The following ARHGAP15 variants were observed in gnomAD, a reference collection of about 807,000 sequenced individuals.
ARHGAP15 encodes rho GTPase-activating protein 15.
Under a neutral mutation model 63.7 loss-of-function variants are expected in ARHGAP15, and 51 were observed. That is an observed-to-expected ratio of 0.80 (90% CI 0.64 to 1.01). ARHGAP15 has a LOEUF of 1.01. Among genes scored for constraint, ARHGAP15 ranks in the 50% least tolerant of loss-of-function variants. The probability of loss-of-function intolerance (pLI) is 0.00; values close to 1 mark genes in which losing one functional copy is unlikely to be tolerated. For missense variants in ARHGAP15, 560 were observed against 564.6 expected (o/e 0.99, Z 0.08); for synonymous variants, 191 against 193.8 (o/e 0.99, Z 0.12).
At chr2:143,420,559 T>C (rs1055071702) in intron 6 of ARHGAP15, among the ~76,000 whole-genome samples, 2 of 152,174 alleles carry the variant, frequency 1.3e-5, no homozygotes, top group African/African-American at 4.8e-5. Flanking sequence ...TTAATTATCA[T>C]TGTGGTAAGT....
At chr2:143,551,737 G>A (rs1695572469) in intron 10 of ARHGAP15, among the ~76,000 whole-genome samples, 1 of 151,942 alleles carries the variant, frequency 6.6e-6, no homozygotes, top group African/African-American at 2.4e-5. Context: ...TTGAAGGATG[G>A]GTGTCTCATA....
At chr2:143,667,997 ATATATAAAAATATAT>A (rs1682315694) in intron 12 of ARHGAP15, among the ~76,000 whole-genome samples, 1 of 152,000 alleles carries the variant, frequency 6.6e-6, no homozygotes, top group South Asian at 2.1e-4. Flanking sequence ...CAAAAAATAC[ATATATAAAAATATAT>A]TTTTTAAAAA....
intron 7 of ARHGAP15, 78 bp from the exon 8 acceptor site, chr2:143,436,835 C>A: frequency 1.3e-6 from 2 of 1,516,416 alleles, no homozygotes. Flanking sequence ...CCATAAACAG[C>A]AAAATTGAAC....
intron 5 of ARHGAP15, among the ~76,000 whole-genome samples, chr2:143,241,282 C>T (rs1452752222): frequency 6.6e-6 from 1 of 152,070 alleles, no homozygotes; most frequent in Non-Finnish European, 1.5e-5. Context: ...ACTTGCTGCT[C>T]TAGTTTATTT....
At chr2:143,444,450 G>A (rs1459871785) in intron 8 of ARHGAP15, among the ~76,000 whole-genome samples, 1 of 152,186 alleles carries the variant, frequency 6.6e-6, no homozygotes, top group Admixed American at 6.5e-5. Context: ...TGCTAAAGCT[G>A]ACATTTAAGC....
At chr2:143,663,251 G>A (rs1489871757) in intron 12 of ARHGAP15, among the ~76,000 whole-genome samples, 3 of 147,460 alleles carry the variant, frequency 2.0e-5, no homozygotes, top group Admixed American at 6.8e-5. Flanking sequence ...AGAGAGTGGG[G>A]GCCAATATTC....
intron 8 of ARHGAP15, among the ~76,000 whole-genome samples, chr2:143,466,000 G>A (rs1691188021): frequency 1.3e-5 from 2 of 152,116 alleles, no homozygotes; most frequent in South Asian, 4.1e-4. Flanking sequence ...GCCTTGAACA[G>A]TGATGGTTTA....
At chr2:143,396,649 C>T (rs1244416765) in intron 6 of ARHGAP15, among the ~76,000 whole-genome samples, 1 of 150,932 alleles carries the variant, frequency 6.6e-6, no homozygotes, top group Admixed American at 6.6e-5. Context: ...CGGGTATCTC[C>T]AGCTTCCTGA....
chr2:143,732,823 G>A (rs971004065), intron 13 of ARHGAP15, among the ~76,000 whole-genome samples: 1 of 151,046 alleles, frequency 6.6e-6, no homozygotes, highest in African/African-American at 2.4e-5. Context: ...GATGAGGGTT[G>A]ACTAAAAGAC....
chr2:143,474,848 C>T (rs1400040472), intron 8 of ARHGAP15, among the ~76,000 whole-genome samples: 1 of 152,126 alleles, frequency 6.6e-6, no homozygotes, highest in Non-Finnish European at 1.5e-5. Flanking sequence ...AAAAGCTTGG[C>T]AATTTGATTA....
rs1692758938 is a variant in ARHGAP15, at chr2:143,216,409, A to G, written c.260A>G (p.Gln87Arg). The change falls in exon 4 of 14, where the codon CAA (glutamine) becomes CGA (arginine). Residue 87 changes from glutamine to arginine, a missense_variant. By Grantham distance (43) the Gln-to-Arg change is conservative. Transcript: ENST00000295095. ...QLMVEKEGYL[Q>R]KAKIADGGKK... ...ATGGTTGAAAAAGAAGGTTATCTGC[A>G]AAAAGCTAAAATTGCAGATGGAGGA... is the stretch of plus-strand genomic sequence containing the variant. 6.2e-7 allele frequency: 1 copy of G among 1,611,204 alleles called. No homozygotes were observed. Among genetic ancestry groups the G allele is most frequent in the African/African-American group, 1.3e-5 (1 of 74,768 alleles).
At chr2:143,417,250 A>G (rs954238088) in intron 6 of ARHGAP15, among the ~76,000 whole-genome samples, 4 of 151,984 alleles carry the variant, frequency 2.6e-5, no homozygotes. Context: ...TTCTAATTGC[A>G]TTTTGTAATT....
intron 12 of ARHGAP15, among the ~76,000 whole-genome samples, chr2:143,663,153 G>A (rs1681924442): frequency 8.4e-6 from 1 of 118,964 alleles, no homozygotes; most frequent in Non-Finnish European, 1.8e-5. Context: ...AAATGTTAAG[G>A]GCAGCCAGAG....
At chr2:143,545,382 C>CA (rs1695287074) in intron 10 of ARHGAP15, among the ~76,000 whole-genome samples, 1 of 152,130 alleles carries the variant, frequency 6.6e-6, no homozygotes, top group Admixed American at 6.6e-5. Context: ...AGAGATCTGC[C>CA]AAAATCTTTC....
chr2:143,741,472 T>C (rs1685961119), intron 13 of ARHGAP15, among the ~76,000 whole-genome samples: 1 of 152,220 alleles, frequency 6.6e-6, no homozygotes, highest in African/African-American at 2.4e-5. Context: ...ATTTTTTTTC[T>C]GAGTGAAGAA....
chr2:143,658,262 A>C (rs746907159), intron 12 of ARHGAP15, among the ~76,000 whole-genome samples: 2 of 152,208 alleles, frequency 1.3e-5, no homozygotes, highest in Admixed American at 6.5e-5. Flanking sequence ...GTTTATCTTC[A>C]TCGTACCAAT....
chr2:143,222,937 T>A (rs1693056564), intron 4 of ARHGAP15, among the ~76,000 whole-genome samples: 1 of 152,152 alleles, frequency 6.6e-6, no homozygotes, highest in African/African-American at 2.4e-5. Context: ...GTAATTTGTT[T>A]TGTATGTCAA....
intron 2 of ARHGAP15, among the ~76,000 whole-genome samples, chr2:143,168,707 A>G (rs1558789826): frequency 1.3e-5 from 2 of 152,024 alleles, no homozygotes; most frequent in Non-Finnish European, 2.9e-5. Context: ...TGTAAATCTT[A>G]TCATAAAGAA....
At chr2:143,493,032 TG>T (rs1692654576) in intron 9 of ARHGAP15, among the ~76,000 whole-genome samples, 1 of 150,328 alleles carries the variant, frequency 6.7e-6, no homozygotes, top group Admixed American at 6.7e-5. Context: ...CACTCCAGCC[TG>T]GGCGACAGAG....
Sources: gnomAD v4.1 joint callset for allele counts (sites outside exome capture counted in the v4.1 genomes callset) on GRCh38, gnomAD v4.1.1 for gene constraint, MANE v1.5 for transcripts, NCBI Gene and HGNC (gene_info 2026-07-23, HGNC 2026-07-21) for gene names.